CADM2: variants seen among roughly 807,000 people sequenced by gnomAD.
CADM2 encodes cell adhesion molecule 2.
Under a neutral mutation model 49.8 loss-of-function variants are expected in CADM2, and 12 were observed. The observed-to-expected ratio is 0.24, with a 90% CI of 0.15 to 0.39. CADM2 has a LOEUF of 0.39. CADM2 is among the 10% of genes least tolerant of loss of function. CADM2 has a pLI of 1.00. For missense variants in CADM2, 378 were observed against 492.3 expected (o/e 0.77, Z 2.20); for synonymous variants, 214 against 175.4 (o/e 1.22, Z -1.74).
intron 5 of CADM2, among the ~76,000 whole-genome samples, chr3:85,888,272 C>G (rs1417577687): frequency 6.6e-6 from 1 of 152,056 alleles, no homozygotes; most frequent in Non-Finnish European, 1.5e-5. Flanking sequence ...CATGACAAAC[C>G]CATGATATAC....
chr3:85,344,255 C>G (rs1207632179), intron 1 of CADM2, among the ~76,000 whole-genome samples: 1 of 151,584 alleles, frequency 6.6e-6, no homozygotes, highest in Non-Finnish European at 1.5e-5. Flanking sequence ...GTGGCAGGCA[C>G]CTGTAGTCCC....
At chr3:85,641,538 G>C (rs575453061) in intron 1 of CADM2, among the ~76,000 whole-genome samples, 9 of 152,176 alleles carry the variant, frequency 5.9e-5, no homozygotes, top group Non-Finnish European at 1.2e-4. Context: ...TGGACAGGGA[G>C]AAAGAAGCTT....
chr3:85,982,917 A>G (rs987256231), intron 8 of CADM2, among the ~76,000 whole-genome samples: 1 of 151,678 alleles, frequency 6.6e-6, no homozygotes, highest in Non-Finnish European at 1.5e-5. Context: ...CTTATTCAAT[A>G]ATTTGAAATC....
rs181726148 is a variant in CADM2 at position 85,274,005 on chromosome 3, C to T, written c.61+314337C>T. Among the ~76,000 whole-genome samples the T allele has an allele frequency of 1.7e-3, 254 of 151,470 alleles. 1 individual carries two copies. The highest frequency in any genetic ancestry group is 6.0e-3 in the African/African-American group (248 of 41,438). ...AAATAACTAGAAAAATGAGTTGTCA[C>T]AGAAACTACTTCAAGAAGGAGTGAG... On this transcript the variant is annotated intron_variant, in intron 1 of 9. Coordinates refer to ENST00000383699, the MANE Select transcript of CADM2 (RefSeq NM_001167675.2).
intron 1 of CADM2, among the ~76,000 whole-genome samples, chr3:85,075,354 A>C (rs1182893258): frequency 6.6e-6 from 1 of 152,116 alleles, no homozygotes; most frequent in Non-Finnish European, 1.5e-5. Context: ...GGTCTGTATG[A>C]CATGGAAGTT....
intron 1 of CADM2, among the ~76,000 whole-genome samples, chr3:85,009,829 G>A (rs1251353328): frequency 6.6e-6 from 1 of 151,402 alleles, no homozygotes; most frequent in Non-Finnish European, 1.5e-5. Flanking sequence ...TTGTGCCACT[G>A]TGCTCCAGCC....
chr3:86,065,622 G>A lies in CADM2; in HGVS notation c.988G>A (p.Gly330Ser). Residue 330 changes from glycine (G) to serine (S), a missense_variant, in exon 9 of 10, where the codon GGC becomes AGC. Physicochemically the swap from Gly to Ser is moderately conservative, Grantham distance 56 (BLOSUM62 0). Coordinates refer to ENST00000383699, the MANE Select transcript of CADM2 (RefSeq NM_001167675.2). ...TTTTCCAGATCCTAATGCTTTGGCT[G>A]GCCAGAATGGCCCTGACCATGCTCT... ...LIVHDPNALAGQNGPDHALIG... is the reference protein window; with the variant it reads ...LIVHDPNALASQNGPDHALIG... 1 of 1,612,916 alleles carries A rather than the reference G, an allele frequency of 6.2e-7. No homozygotes were observed. Among genetic ancestry groups the A allele is most frequent in the Non-Finnish European group, 8.5e-7 (1 of 1,179,506 alleles).
At chr3:85,633,441 A>C (rs1225641208) in intron 1 of CADM2, among the ~76,000 whole-genome samples, 1 of 152,146 alleles carries the variant, frequency 6.6e-6, no homozygotes. Flanking sequence ...AACCATATTA[A>C]GTTGTCCATG....
intron 7 of CADM2, among the ~76,000 whole-genome samples, chr3:85,956,218 A>G (rs1724032596): frequency 6.6e-6 from 1 of 151,570 alleles, no homozygotes; most frequent in Admixed American, 6.6e-5. Flanking sequence ...TAGAAACTGT[A>G]GACTGGAACC....
chr3:85,629,541 A>T (rs2064243291), intron 1 of CADM2, among the ~76,000 whole-genome samples: 1 of 151,956 alleles, frequency 6.6e-6, no homozygotes, highest in Admixed American at 6.6e-5. Context: ...GAGAAGGGAG[A>T]TAAAAGCAGT....
intron 1 of CADM2, among the ~76,000 whole-genome samples, chr3:85,191,780 A>C (rs1400785314): frequency 6.6e-6 from 1 of 152,168 alleles, no homozygotes; most frequent in Non-Finnish European, 1.5e-5. Context: ...ATGATGATCT[A>C]ATTTGTTCAA....
At chr3:85,818,184 G>T (rs2073334972) in intron 3 of CADM2, among the ~76,000 whole-genome samples, 1 of 151,934 alleles carries the variant, frequency 6.6e-6, no homozygotes, top group Non-Finnish European at 1.5e-5. Context: ...TTTCTAATTT[G>T]GAGATTCAAT....
intron 8 of CADM2, among the ~76,000 whole-genome samples, chr3:85,969,309 C>A (rs1725827123): frequency 6.6e-6 from 1 of 151,570 alleles, no homozygotes; most frequent in Non-Finnish European, 1.5e-5. Context: ...TCTTCACACA[C>A]CCACTTCTGT....
At chr3:85,652,217 A>G (rs562981980) in intron 1 of CADM2, among the ~76,000 whole-genome samples, 1 of 152,068 alleles carries the variant, frequency 6.6e-6, no homozygotes, top group African/African-American at 2.4e-5. Context: ...CTTCCTTTAT[A>G]CCATGTTCTT....
intron 1 of CADM2, among the ~76,000 whole-genome samples, chr3:85,573,640 G>T (rs1265087196): frequency 2.0e-5 from 3 of 152,178 alleles, no homozygotes; most frequent in Admixed American, 6.5e-5. Context: ...ATCTCAGGAT[G>T]ATAACTTTTC....
intron 2 of CADM2, among the ~76,000 whole-genome samples, chr3:85,771,843 CT>C (rs1226930972): frequency 6.6e-6 from 1 of 151,968 alleles, no homozygotes; most frequent in African/African-American, 2.4e-5. Context: ...GGATTTTGCT[CT>C]TTCCCAAAAG....
chr3:85,925,257 A>G (rs1386032146), intron 6 of CADM2, among the ~76,000 whole-genome samples: 1 of 152,146 alleles, frequency 6.6e-6, no homozygotes, highest in Non-Finnish European at 1.5e-5. Context: ...TATTAATACT[A>G]TATTCCGATG....
chr3:85,703,711 G>C (rs1182587335), intron 1 of CADM2, among the ~76,000 whole-genome samples: 1 of 152,166 alleles, frequency 6.6e-6, no homozygotes, highest in Non-Finnish European at 1.5e-5. Context: ...TTAAATAAGA[G>C]ATAAGGGTTT....
At chr3:85,110,208 A>T (rs1559667931) in intron 1 of CADM2, among the ~76,000 whole-genome samples, 1 of 151,872 alleles carries the variant, frequency 6.6e-6, no homozygotes, top group Non-Finnish European at 1.5e-5. Context: ...GGTCTAATTA[A>T]TCCCATTAAG....
Sources: allele counts gnomAD v4.1 joint callset (sites outside exome capture counted in the v4.1 genomes callset), GRCh38; gene constraint gnomAD v4.1.1; transcripts MANE v1.5; gene names NCBI Gene and HGNC (gene_info 2026-07-23, HGNC 2026-07-21).